Variants in WDR72 observed in about 807,000 individuals in gnomAD.
WDR72 encodes the protein WD repeat domain 72.
Under a neutral mutation model 124.2 loss-of-function variants are expected in WDR72, and 120 were observed. The ratio of observed to expected loss-of-function variants is 0.97; its 90% CI spans 0.83 to 1.12. WDR72 has a LOEUF of 1.12. Among genes scored for constraint, WDR72 ranks in the 50% most tolerant of loss-of-function variants. The probability of loss-of-function intolerance (pLI) is 0.00; values close to 1 mark genes in which losing one functional copy is unlikely to be tolerated. For missense variants in WDR72, 1,387 were observed against 1,278.8 expected, an observed-to-expected ratio of 1.08 and a Z score of -1.29; for synonymous variants, 452 against 441.7, an observed-to-expected ratio of 1.02 and a Z score of -0.29.
rs370920198 is a variant in WDR72 at position 53,711,318 on chromosome 15, G to T, written c.857+18C>A. The T allele has an allele frequency of 1.5e-5, 24 of 1,613,906 alleles. No homozygotes were observed. Among genetic ancestry groups the T allele is most frequent in the Non-Finnish European group, 2.0e-5 (24 of 1,179,994 alleles). On this transcript the variant is annotated intron_variant, in intron 8 of 19. Coordinates refer to ENST00000360509, the MANE Select transcript of WDR72 (RefSeq NM_182758.4). The stretch of plus-strand genomic sequence containing the variant: ...TTTCTACCTGAATGTTTTGTATGCC[G>T]CTCCCATCTGAGCCCACCTGTTCAG...
intron 16 of WDR72, 114 bp from the exon 17 acceptor site, chr15:53,609,706 A>G (rs2013451829): frequency 2.4e-6 from 2 of 822,996 alleles, no homozygotes; most frequent in Admixed American, 2.0e-5. Context: ...ATAAACACCA[A>G]TGCCCAGGTT....
At chr15:53,628,262 C>T (rs2014286805) in intron 14 of WDR72, among the ~76,000 whole-genome samples, 1 of 152,044 alleles carries the variant, frequency 6.6e-6, no homozygotes, top group Non-Finnish European at 1.5e-5. Context: ...CTATAAGTCA[C>T]AGCTGAAGCA....
intron 14 of WDR72, among the ~76,000 whole-genome samples, chr15:53,651,134 A>G (rs1361109347): frequency 6.6e-6 from 1 of 151,920 alleles, no homozygotes; most frequent in African/African-American, 2.4e-5. Flanking sequence ...TTTTGACTTC[A>G]TTGTCTACAT....
rs1305228945 is a variant in WDR72 at position 53,516,751 on chromosome 15, A to G, written c.*948T>C. 2 of 152,080 alleles carry G rather than the reference A, an allele frequency of 1.3e-5. No individual in the cohort carries two copies. The highest frequency in any genetic ancestry group is 6.6e-5 in the Admixed American group (1 of 15,242). 9.4% of individuals were successfully genotyped at this position (152,080 alleles called of 1,614,324 possible). A position where few individuals can be genotyped will look rare whatever the true frequency, so the allele number is the denominator to read the frequency against. ...TAGGCAATATTTATATACATAAGAT[A>G]TGTAGATTAATAATTTTGATGATTT... On this transcript the variant is annotated 3_prime_UTR_variant, in exon 20 of 20. Transcript: ENST00000360509.
chr15:53,618,166 T>C (rs1160798455), intron 14 of WDR72, among the ~76,000 whole-genome samples: 2 of 151,980 alleles, frequency 1.3e-5, no homozygotes, highest in Non-Finnish European at 2.9e-5. Context: ...CTGCATACTG[T>C]CAGAAAGTAA....
chr15:53,749,452 C>T (rs954631755), intron 1 of WDR72, among the ~76,000 whole-genome samples: 1 of 152,154 alleles, frequency 6.6e-6, no homozygotes, highest in South Asian at 2.1e-4. Flanking sequence ...GTTCCACCAA[C>T]TGGCCATTCC....
intron 3 of WDR72, among the ~76,000 whole-genome samples, chr15:53,719,884 C>A (rs1159358374): frequency 6.6e-6 from 1 of 152,168 alleles, no homozygotes; most frequent in Non-Finnish European, 1.5e-5. Context: ...CTTCTCTGGG[C>A]TCATCTCTTG....
intron 18 of WDR72, among the ~76,000 whole-genome samples, chr15:53,529,140 T>C (rs893314418): frequency 8.7e-6 from 1 of 114,664 alleles, no homozygotes; most frequent in African/African-American, 4.0e-5. Flanking sequence ...CCACACTGTT[T>C]AGCCCATATA....
intron 14 of WDR72, among the ~76,000 whole-genome samples, chr15:53,620,675 G>C (rs1389160682): frequency 6.6e-6 from 1 of 152,072 alleles, no homozygotes; most frequent in Non-Finnish European, 1.5e-5. Context: ...TTCAATCTCA[G>C]ACCTGAAAAT....
At chr15:53,522,576 A>C (rs1438087354) in intron 19 of WDR72, among the ~76,000 whole-genome samples, 2 of 152,120 alleles carry the variant, frequency 1.3e-5, no homozygotes, top group African/African-American at 4.8e-5. Context: ...ACAAAAATAG[A>C]AACAGAAATC....
At chr15:53,531,285 T>C (rs1451245228) in intron 18 of WDR72, among the ~76,000 whole-genome samples, 1 of 147,418 alleles carries the variant, frequency 6.8e-6, no homozygotes, top group Admixed American at 6.8e-5. Flanking sequence ...ATTTTACAAC[T>C]ATATGATAAC....
intron 2 of WDR72, among the ~76,000 whole-genome samples, chr15:53,728,326 A>G (rs1057002958): frequency 8.5e-5 from 13 of 152,082 alleles, no homozygotes; most frequent in Non-Finnish European, 1.8e-4. Flanking sequence ...TCAATTATCT[A>G]CCCCTGGGTT....
At chr15:53,699,980 G>A (rs1306512522) in intron 12 of WDR72, 35 bp from the exon 13 acceptor site, 2 of 1,612,646 alleles carry the variant, frequency 1.2e-6, no homozygotes, top group East Asian at 4.5e-5. Flanking sequence ...TAAGTAAATA[G>A]TCAAATGCTT....
At chr15:53,730,881 T>C (rs1313976419) in intron 2 of WDR72, among the ~76,000 whole-genome samples, 1 of 152,194 alleles carries the variant, frequency 6.6e-6, no homozygotes, top group Non-Finnish European at 1.5e-5. Flanking sequence ...TGTTGAGAAC[T>C]GAAAAGTGCC....
chr15:53,538,599 C>G lies in WDR72; in HGVS notation c.3149-15277G>C, dbSNP rs79918972. On this transcript the variant is annotated intron_variant, in intron 18 of 19. Coordinates refer to ENST00000360509, the MANE Select transcript of WDR72 (RefSeq NM_182758.4). ...CAAAAAATTCTCTTTTTCTTGAACA[C>G]CAGGTTAACATTGGGTGATGCGGAA... 2.5e-3 allele frequency among the ~76,000 whole-genome samples: 386 copies of G among 152,210 alleles called. 2 individuals carry two copies. The highest frequency in any genetic ancestry group is 3.8e-3 in the Non-Finnish European group (255 of 67,998).
intron 18 of WDR72, among the ~76,000 whole-genome samples, chr15:53,531,180 T>G (rs990864576): frequency 1.3e-5 from 2 of 152,078 alleles, no homozygotes; most frequent in African/African-American, 4.8e-5. Flanking sequence ...ACTCTGAATG[T>G]GACTTATTTT....
At chr15:53,636,744 T>C (rs570656253) in intron 14 of WDR72, among the ~76,000 whole-genome samples, 2 of 152,182 alleles carry the variant, frequency 1.3e-5, no homozygotes, top group Admixed American at 6.5e-5. Context: ...TAGGAGGCTA[T>C]AGACTTAGAT....
chr15:53,617,230 CAT>C (rs1320086820), intron 14 of WDR72, among the ~76,000 whole-genome samples: 1 of 151,666 alleles, frequency 6.6e-6, no homozygotes, highest in African/African-American at 2.4e-5. Flanking sequence ...AAATTTGACA[CAT>C]ATCTCTATCT....
chr15:53,608,757 A>AAAATAAATAAATAAATAAATAAATAAAT (rs377242751), intron 17 of WDR72, among the ~76,000 whole-genome samples: 1 of 123,640 alleles, frequency 8.1e-6, no homozygotes, highest in Non-Finnish European at 1.6e-5. Flanking sequence ...TCCTTTCTCA[A>AAAATAAATAAATAAATAAATAAATAAAT]AAATAAATAA....
Sources: gnomAD v4.1 joint callset for allele counts (sites outside exome capture counted in the v4.1 genomes callset) on GRCh38, gnomAD v4.1.1 for gene constraint, MANE v1.5 for transcripts, NCBI Gene and HGNC (gene_info 2026-07-23, HGNC 2026-07-21) for gene names.